Variants in RUNX2 observed in about 807,000 individuals in gnomAD.
RUNX2 encodes the protein runt-related transcription factor 2.
In RUNX2, 10 loss-of-function variants were observed where a neutral mutation model predicts 51.7. The ratio of observed to expected loss-of-function variants is 0.19; its 90% confidence interval spans 0.12 to 0.33. The LOEUF is 0.33. Among genes scored for constraint, RUNX2 ranks in the 10% least tolerant of loss-of-function variants. RUNX2 has a pLI of 1.00. For missense variants in RUNX2, 562 were observed against 691.3 expected (o/e 0.81, Z 2.10); for synonymous variants, 276 against 273.6 (o/e 1.01, Z -0.09).
intron 2 of RUNX2, among the ~76,000 whole-genome samples, chr6:45,376,365 T>C (rs536385506): frequency 6.6e-6 from 1 of 152,240 alleles, no homozygotes; most frequent in South Asian, 2.1e-4. Context: ...ATCTAAATTG[T>C]AGCCCTGTGC....
chr6:45,466,309 G>A (rs190596931), intron 5 of RUNX2, among the ~76,000 whole-genome samples: 113 of 150,748 alleles, frequency 7.5e-4, no homozygotes, highest in Admixed American at 9.9e-4. Context: ...GTGAAACTCC[G>A]TCTTAAAAAA....
At chr6:45,334,709 GA>G (rs1290937050) in intron 2 of RUNX2, among the ~76,000 whole-genome samples, 1 of 151,032 alleles carries the variant, frequency 6.6e-6, no homozygotes, top group Non-Finnish European at 1.5e-5. Flanking sequence ...GCATGAGTGT[GA>G]ATGCATTCAC....
chr6:45,376,827 C>T (rs1796844861), intron 2 of RUNX2, among the ~76,000 whole-genome samples: 1 of 151,714 alleles, frequency 6.6e-6, no homozygotes, highest in African/African-American at 2.4e-5. Flanking sequence ...ATACTAAGAC[C>T]CCAGGTCCTC....
chr6:45,428,632 A>T (rs1563082290), intron 3 of RUNX2, among the ~76,000 whole-genome samples: 1 of 152,186 alleles, frequency 6.6e-6, no homozygotes, highest in Non-Finnish European at 1.5e-5. Flanking sequence ...AAACACACTA[A>T]TATTGAATAT....
intron 2 of RUNX2, among the ~76,000 whole-genome samples, chr6:45,376,427 CAATT>C (rs963142759): frequency 6.6e-6 from 1 of 152,156 alleles, no homozygotes; most frequent in African/African-American, 2.4e-5. Flanking sequence ...AAACGTAAAT[CAATT>C]TATTAATTTA....
chr6:45,460,778 A>G (rs1337265905), intron 5 of RUNX2, among the ~76,000 whole-genome samples: 1 of 151,952 alleles, frequency 6.6e-6, no homozygotes, highest in Non-Finnish European at 1.5e-5. Context: ...TCTTAAAAAA[A>G]AAAGAGTGAG....
intron 7 of RUNX2, among the ~76,000 whole-genome samples, chr6:45,520,686 A>G (rs1402640500): frequency 6.6e-6 from 1 of 151,540 alleles, no homozygotes; most frequent in Non-Finnish European, 1.5e-5. Flanking sequence ...TTTGTATGTC[A>G]TTTCTGTACT....
At chr6:45,530,481 C>A (rs1476983125) in intron 7 of RUNX2, among the ~76,000 whole-genome samples, 2 of 152,210 alleles carry the variant, frequency 1.3e-5, no homozygotes, top group Admixed American at 1.3e-4. Flanking sequence ...GTGAGTTAGG[C>A]TTATTGCATT....
At chr6:45,462,888 A>G (rs1404135443) in intron 5 of RUNX2, among the ~76,000 whole-genome samples, 2 of 152,222 alleles carry the variant, frequency 1.3e-5, no homozygotes, top group Non-Finnish European at 2.9e-5. Context: ...GTCGTAGTGT[A>G]GTATTGTCCC....
At position 45,438,103 on chromosome 6, in the gene RUNX2, A is replaced by G. The variant is rs749053984; in HGVS notation, c.685+52A>G. 6 of 1,168,018 alleles carry G rather than the reference A, an allele frequency of 5.1e-6. No individual in the cohort carries two copies. The African/African-American group carries it at 7.6e-5, about 15-fold the overall frequency. 72.4% of individuals were successfully genotyped at this position (1,168,018 alleles called of 1,614,324 possible). A position where few individuals can be genotyped will look rare whatever the true frequency, so the allele number is the denominator to read the frequency against. On this transcript the variant is annotated intron_variant, in intron 5 of 8. Coordinates refer to ENST00000647337, the MANE Select transcript of RUNX2 (RefSeq NM_001024630.4). ...AAGTAATAGAGTTTCCAGAGACCCT[A>G]TGAGGAATTTATTCCAAATGAGTTA...
intron 2 of RUNX2, among the ~76,000 whole-genome samples, chr6:45,412,227 A>C (rs1410570382): frequency 6.6e-6 from 1 of 151,292 alleles, no homozygotes; most frequent in Non-Finnish European, 1.5e-5. Flanking sequence ...ATGGTAGCTC[A>C]TGCCTGTAGT....
At chr6:45,365,966 T>C (rs1369616040) in intron 2 of RUNX2, among the ~76,000 whole-genome samples, 1 of 152,108 alleles carries the variant, frequency 6.6e-6, no homozygotes, top group Non-Finnish European at 1.5e-5. Context: ...TGATGCATAA[T>C]GATAAAGTGG....
At chr6:45,403,713 T>A (rs1047724227) in intron 2 of RUNX2, among the ~76,000 whole-genome samples, 8 of 152,166 alleles carry the variant, frequency 5.3e-5, no homozygotes, top group African/African-American at 1.7e-4. Flanking sequence ...TACCAGGGAT[T>A]CAATAGTAAA....
intron 5 of RUNX2, among the ~76,000 whole-genome samples, chr6:45,445,076 G>A (rs891516763): frequency 4.9e-4 from 74 of 152,292 alleles, no homozygotes; most frequent in African/African-American, 1.7e-3. Flanking sequence ...CCAGGCTGGA[G>A]TGCAGTGGCG....
At chr6:45,482,805 A>G (rs1800152243) in intron 5 of RUNX2, among the ~76,000 whole-genome samples, 1 of 152,192 alleles carries the variant, frequency 6.6e-6, no homozygotes, top group African/African-American at 2.4e-5. Flanking sequence ...TGTTTCACCC[A>G]AGAGACTGGA....
chr6:45,490,804 G>A (rs900889656), intron 5 of RUNX2, among the ~76,000 whole-genome samples: 4 of 151,922 alleles, frequency 2.6e-5, no homozygotes, highest in African/African-American at 9.7e-5. Context: ...GTTCTTCCTC[G>A]AATCAGCTTC....
chr6:45,408,923 A>G (rs958540498), intron 2 of RUNX2, among the ~76,000 whole-genome samples: 27 of 152,210 alleles, frequency 1.8e-4, no homozygotes, highest in African/African-American at 6.5e-4. Flanking sequence ...ATGAGAAGTC[A>G]GTTTAAGACC....
intron 5 of RUNX2, among the ~76,000 whole-genome samples, chr6:45,460,838 G>T (rs1471925107): frequency 6.6e-6 from 1 of 152,092 alleles, no homozygotes; most frequent in Non-Finnish European, 1.5e-5. Flanking sequence ...ATCTTCAGCA[G>T]AAAAATAGAA....
At chr6:45,465,747 C>T (rs1799611300) in intron 5 of RUNX2, among the ~76,000 whole-genome samples, 1 of 151,318 alleles carries the variant, frequency 6.6e-6, no homozygotes, top group South Asian at 2.1e-4. Context: ...GTGATTCTCC[C>T]ACCTCAGCCT....
Sources: gnomAD v4.1 joint callset for allele counts (sites outside exome capture counted in the v4.1 genomes callset) on GRCh38, gnomAD v4.1.1 for gene constraint, MANE v1.5 for transcripts, NCBI Gene and HGNC (gene_info 2026-07-23, HGNC 2026-07-21) for gene names.